CDH22: variants seen among roughly 807,000 people sequenced by gnomAD.
CDH22 encodes cadherin 22, also known as cadherin-22.
A neutral mutation model predicts 58.4 loss-of-function variants in CDH22; 30 were observed. The ratio of observed to expected loss-of-function variants is 0.51; its 90% CI spans 0.38 to 0.70. The LOEUF (loss-of-function observed/expected upper bound fraction) is 0.70, where lower values mean the gene tolerates loss of function less well. Among genes scored for constraint, CDH22 ranks in the 30% least tolerant of loss-of-function variants. The pLI, the probability that CDH22 is intolerant of heterozygous loss-of-function variation, is 0.00. For synonymous variants in CDH22, 513 were observed against 558.2 expected, an observed-to-expected ratio of 0.92 and a Z score of 1.14; for missense variants, 1,014 against 1,233.9, an observed-to-expected ratio of 0.82 and a Z score of 2.67.
rs140085073 is a variant in CDH22, at chr20:46,280,441, C to CT, written c.-400+27813dup. 5.8e-3 allele frequency among the ~76,000 whole-genome samples: 880 copies of CT among 152,246 alleles called. 4 individuals carry two copies. The highest frequency in any genetic ancestry group is 0.02 in the African/African-American group (845 of 41,536). On this transcript the variant is annotated intron_variant, in intron 1 of 11. Transcript: ENST00000537909. ...AGGACAATAACAACAACAACAACAC[C>CT]TTTTAAACTGCCTGCTGGCCGTTGT...
At chr20:46,240,936 C>T (rs565652578) in intron 3 of CDH22, 27 bp downstream of exon 3, 1 of 1,593,626 alleles carries the variant, frequency 6.3e-7, no homozygotes, top group Admixed American at 1.7e-5. Flanking sequence ...TTGATCCCAT[C>T]CCCCACCCCC....
rs552716738 is a variant in CDH22 at position 46,302,896 on chromosome 20, T to C, written c.-400+5359A>G. On this transcript the variant is annotated intron_variant, in intron 1 of 11. Coordinates refer to ENST00000537909, the MANE Select transcript of CDH22 (RefSeq NM_021248.3). The stretch of plus-strand genomic sequence containing the variant: ...CTTCTCTCCCCCATGCCCAGGCAGT[T>C]ACTTAGCCCTGTCCATTCCACTCCC... Among the ~76,000 whole-genome samples, 62 of 152,274 alleles carry C rather than the reference T, an allele frequency of 4.1e-4. 1 individual carries two copies. The South Asian group carries it at 0.013, about 31-fold the overall frequency.
chr20:46,188,591 C>T (rs573357763), intron 8 of CDH22, among the ~76,000 whole-genome samples: 1 of 152,278 alleles, frequency 6.6e-6, no homozygotes, highest in African/African-American at 2.4e-5. Context: ...ACTGTGTGTA[C>T]AACACGTAGC....
At chr20:46,245,368 C>T (rs886389690) in intron 2 of CDH22, among the ~76,000 whole-genome samples, 5 of 152,176 alleles carry the variant, frequency 3.3e-5, no homozygotes, top group Non-Finnish European at 5.9e-5. Context: ...CCCCTCTACT[C>T]CACACCCTCC....
intron 4 of CDH22, among the ~76,000 whole-genome samples, chr20:46,223,721 TTC>T (rs1568664234): frequency 1.1e-5 from 1 of 87,008 alleles, no homozygotes; most frequent in African/African-American, 5.3e-5. Flanking sequence ...TTCTTTTTCT[TTC>T]TTTCTCTTTC....
In CDH22 at chr20:46,174,606, T is replaced by C. The variant is rs760571081; in HGVS notation, c.2387A>G (p.Glu796Gly). ...GCTGCTGAGATAGGCGAAGTCCTGC[T>C]CGGAGCCCGACGAGCCGCTGTGCAG... Reference protein sequence around the residue: ...SSLHSGSSGSEQDFAYLSSWG... With the variant: ...SSLHSGSSGSGQDFAYLSSWG... The change falls in exon 12 of 12, where the codon GAG (glutamate) becomes GGG (glycine). Residue 796 changes from glutamate (E) to glycine (G), a missense_variant. By Grantham distance (98) the Glu-to-Gly change is moderately conservative (BLOSUM62 -2). Around this residue, in one of 2 missense-constraint regions of CDH22, gnomAD observed 208 missense variants for 195.2 expected, o/e 1.07. Coordinates refer to ENST00000537909, the MANE Select transcript of CDH22 (RefSeq NM_021248.3). This position sits in a 1 kb window ranked among gnomAD's most constrained non-coding sequence, Gnocchi z 4.4. 2 of 1,537,822 alleles carry C rather than the reference T, an allele frequency of 1.3e-6. No homozygotes were observed. The highest frequency in any genetic ancestry group is 1.7e-6 in the Non-Finnish European group (2 of 1,146,784).
At chr20:46,188,549 C>T (rs75872042) in intron 8 of CDH22, among the ~76,000 whole-genome samples, 1 of 152,140 alleles carries the variant, frequency 6.6e-6, no homozygotes, top group Non-Finnish European at 1.5e-5. Context: ...GGTGAAGAGA[C>T]AGATTGAGTT....
At chr20:46,261,761 C>A (rs903303144) in intron 1 of CDH22, among the ~76,000 whole-genome samples, 20 of 152,144 alleles carry the variant, frequency 1.3e-4, no homozygotes, top group Admixed American at 3.9e-4. Context: ...TTATTTCTAC[C>A]AGCTCAGTGC....
chr20:46,272,449 A>G (rs1026216189), intron 1 of CDH22, among the ~76,000 whole-genome samples: 4 of 152,220 alleles, frequency 2.6e-5, no homozygotes, highest in Non-Finnish European at 4.4e-5. Context: ...ATGATATTTA[A>G]TGCTGAGGAA....
At chr20:46,292,339 G>A (rs2086607770) in intron 1 of CDH22, among the ~76,000 whole-genome samples, 1 of 152,212 alleles carries the variant, frequency 6.6e-6, no homozygotes, top group African/African-American at 2.4e-5. Context: ...CTGAGGTGGG[G>A]TTCGCTCTGC....
intron 1 of CDH22, among the ~76,000 whole-genome samples, chr20:46,256,479 G>GGT (rs1466582982): frequency 6.6e-6 from 1 of 152,180 alleles, no homozygotes; most frequent in Non-Finnish European, 1.5e-5. Flanking sequence ...GGCAACAGCA[G>GGT]GTGCAAAGTC....
chr20:46,180,062 GGT>G (rs2085773442), intron 10 of CDH22, among the ~76,000 whole-genome samples: 1 of 152,164 alleles, frequency 6.6e-6, no homozygotes, highest in Admixed American at 6.5e-5. Flanking sequence ...TGACTACGCA[GGT>G]GCCATGCACA....
At chr20:46,192,588 G>GGA (rs373628983) in intron 8 of CDH22, among the ~76,000 whole-genome samples, 1 of 150,994 alleles carries the variant, frequency 6.6e-6, no homozygotes, top group Non-Finnish European at 1.5e-5. Flanking sequence ...AGTGGGAGGG[G>GGA]GAGAGAGAGA....
chr20:46,207,201 G>T (rs2086007553), intron 7 of CDH22, among the ~76,000 whole-genome samples: 2 of 152,340 alleles, frequency 1.3e-5, no homozygotes, highest in Middle Eastern at 3.4e-3. Flanking sequence ...CCGGCAAAGA[G>T]AGATGAAAGA....
intron 3 of CDH22, among the ~76,000 whole-genome samples, chr20:46,234,389 T>A (rs1008631313): frequency 1.3e-5 from 2 of 152,236 alleles, no homozygotes; most frequent in Non-Finnish European, 2.9e-5. Flanking sequence ...AAAATCACTT[T>A]GCATTTATTT....
At chr20:46,231,863 C>T (rs2086222502) in intron 3 of CDH22, among the ~76,000 whole-genome samples, 1 of 152,188 alleles carries the variant, frequency 6.6e-6, no homozygotes, top group Admixed American at 6.5e-5. Context: ...CTTTCTGATC[C>T]ATTTCCTCAC....
chr20:46,241,202 T>C lies in CDH22; in HGVS notation c.311A>G (p.Glu104Gly). 1 of 1,613,834 alleles carries C rather than the reference T, an allele frequency of 6.2e-7. No individual in the cohort carries two copies. The highest frequency in any genetic ancestry group is 8.5e-7 in the Non-Finnish European group (1 of 1,179,822). ...DGAIKYTISG[E>G]GAGTIFLIDE... Reference sequence around the variant, plus strand: ...GATCAGGAAGATGGTCCCAGCACCCTCGCCTGAGATGGTGTACTTGATGGC... The same window carrying C: ...GATCAGGAAGATGGTCCCAGCACCCCCGCCTGAGATGGTGTACTTGATGGC... The change falls in exon 3 of 12, where the codon GAG becomes GGG. Residue 104 changes from glutamate (E) to glycine (G), a missense_variant. Around this residue, in one of 2 missense-constraint regions of CDH22, gnomAD observed 806 missense variants for 1,038.7 expected, o/e 0.78. Coordinates refer to ENST00000537909, the MANE Select transcript of CDH22 (RefSeq NM_021248.3). This position sits in a 1 kb window ranked among gnomAD's most constrained non-coding sequence, Gnocchi z 5.2.
intron 11 of CDH22, among the ~76,000 whole-genome samples, chr20:46,176,363 AGGT>A (rs1027543437): frequency 3.0e-4 from 46 of 152,340 alleles, no homozygotes; most frequent in African/African-American, 1.1e-3. Flanking sequence ...ACAGGTTCAA[AGGT>A]GAAATACTAA....
intron 8 of CDH22, among the ~76,000 whole-genome samples, chr20:46,189,994 G>A (rs1019663763): frequency 6.6e-6 from 1 of 151,832 alleles, no homozygotes; most frequent in South Asian, 2.1e-4. Flanking sequence ...CCTGTAGCAA[G>A]GTTTGCAAAC....
Sources: allele counts gnomAD v4.1 joint callset (sites outside exome capture counted in the v4.1 genomes callset), GRCh38; gene constraint gnomAD v4.1.1; regional missense constraint gnomAD v4.1.1; non-coding constraint Gnocchi (gnomAD v3.1); transcripts MANE v1.5; gene names NCBI Gene and HGNC (gene_info 2026-07-23, HGNC 2026-07-21).